ME3: variants seen among roughly 807,000 people sequenced by gnomAD.
The protein encoded by ME3 is NADP-dependent malic enzyme, mitochondrial.
Under a neutral mutation model 68.9 loss-of-function variants are expected in ME3, and 48 were observed. The ratio of observed to expected loss-of-function variants is 0.70; its 90% CI spans 0.55 to 0.89. The LOEUF is 0.89. Ranked by LOEUF, ME3 falls within the 40% of genes least tolerant of loss-of-function variation. The pLI is 0.00. For missense variants in ME3, 675 were observed against 797.4 expected (o/e 0.85, Z 1.85); for synonymous variants, 320 against 318.8 (o/e 1.00, Z -0.04).
intron 2 of ME3, among the ~76,000 whole-genome samples, chr11:86,633,508 A>G (rs909794825): frequency 1.3e-5 from 2 of 152,220 alleles, no homozygotes; most frequent in Non-Finnish European, 2.9e-5. Context: ...AATAGCTGGA[A>G]AGTAAGGGCA....
chr11:86,479,088 C>T (rs188062641), intron 7 of ME3, among the ~76,000 whole-genome samples: 23 of 152,276 alleles, frequency 1.5e-4, no homozygotes, highest in African/African-American at 5.5e-4. Flanking sequence ...ACCCTCACCC[C>T]ATATGGGCAG....
At chr11:86,530,419 G>C (rs569279202) in intron 4 of ME3, among the ~76,000 whole-genome samples, 4 of 152,154 alleles carry the variant, frequency 2.6e-5, no homozygotes, top group African/African-American at 9.7e-5. Context: ...AATGGCCATA[G>C]TGCCCAAGGT....
intron 8 of ME3, among the ~76,000 whole-genome samples, chr11:86,450,776 A>G (rs538352224): frequency 7.4e-4 from 112 of 152,344 alleles, no homozygotes; most frequent in African/African-American, 2.7e-3. Flanking sequence ...AAATGAGAAC[A>G]CAACCTGACC....
chr11:86,576,944 C>A (rs1468489390), intron 2 of ME3, among the ~76,000 whole-genome samples: 2 of 152,180 alleles, frequency 1.3e-5, no homozygotes, highest in African/African-American at 2.4e-5. Flanking sequence ...CTTTTCTTTA[C>A]CTGAATGTTA....
chr11:86,616,240 T>G (rs1942948331), intron 2 of ME3, among the ~76,000 whole-genome samples: 1 of 152,244 alleles, frequency 6.6e-6, no homozygotes, highest in African/African-American at 2.4e-5. Context: ...TTCTAAATGT[T>G]TCATTATCAT....
At chr11:86,567,055 T>C (rs1448516883) in intron 2 of ME3, among the ~76,000 whole-genome samples, 1 of 151,882 alleles carries the variant, frequency 6.6e-6, no homozygotes, top group Non-Finnish European at 1.5e-5. Context: ...CCATCTCTAC[T>C]AAAAATACAA....
chr11:86,497,227 C>T (rs558112351), intron 6 of ME3, among the ~76,000 whole-genome samples: 3 of 152,242 alleles, frequency 2.0e-5, no homozygotes, highest in South Asian at 2.1e-4. Context: ...CAGGTGATCC[C>T]GCCCCGATCA....
At chr11:86,467,786 A>C (rs906981509) in intron 7 of ME3, among the ~76,000 whole-genome samples, 2 of 151,982 alleles carry the variant, frequency 1.3e-5, no homozygotes, top group African/African-American at 4.8e-5. Flanking sequence ...ACCTTTGTTC[A>C]GTGTATGATT....
At chr11:86,629,464 C>T (rs1391780147) in intron 2 of ME3, among the ~76,000 whole-genome samples, 5 of 152,312 alleles carry the variant, frequency 3.3e-5, no homozygotes, top group African/African-American at 4.8e-5. Flanking sequence ...CCCCCTCCCC[C>T]GTGGGTAAAG....
chr11:86,598,152 T>A (rs1455852480), intron 2 of ME3, among the ~76,000 whole-genome samples: 1 of 152,142 alleles, frequency 6.6e-6, no homozygotes, highest in Non-Finnish European at 1.5e-5. Flanking sequence ...AGGCAGTGCC[T>A]CACTCGGGAA....
At chr11:86,537,351 ATAT>A (rs1955749324) in intron 4 of ME3, among the ~76,000 whole-genome samples, 1 of 151,462 alleles carries the variant, frequency 6.6e-6, no homozygotes, top group Admixed American at 6.6e-5. Context: ...TATGCATTAA[ATAT>A]AATAATTGCA....
rs7103785 is a variant in ME3, at chr11:86,497,040, G to T, written c.705+923C>A. 2.0e-3 allele frequency among the ~76,000 whole-genome samples: 297 copies of T among 152,236 alleles called. 1 individual carries two copies. Among genetic ancestry groups the T allele is most frequent in the African/African-American group, 7.0e-3 (291 of 41,538 alleles). On this transcript the variant is annotated intron_variant, in intron 6 of 14. Coordinates refer to ENST00000543262, the Ensembl canonical transcript of ME3. The stretch of plus-strand genomic sequence containing the variant: ...TGTGTCACCCAGGCTGGAGTGCAGT[G>T]GTGTGATCTCGGCTCACTGCAACCT...
chr11:86,636,547 G>A (rs1186028171), intron 2 of ME3, among the ~76,000 whole-genome samples: 1 of 152,154 alleles, frequency 6.6e-6, no homozygotes, highest in African/African-American at 2.4e-5. Flanking sequence ...ATGACAGCCT[G>A]CAGGGCATGC....
At position 86,661,681 on chromosome 11, in the gene ME3, C is replaced by G. The variant is rs547406298; in HGVS notation, c.183+10081G>C. Among the ~76,000 whole-genome samples, 21 of 152,288 alleles carry G rather than the reference C, an allele frequency of 1.4e-4. No individual in the cohort carries two copies. The South Asian group carries it at 4.4e-3, about 32-fold the overall frequency. Reference sequence around the variant, plus strand: ...CAGGTGTCAGCCTTGCCAACACTGCCATTGGAAGTGTTTCTGCACCTCTCT... The same window carrying G: ...CAGGTGTCAGCCTTGCCAACACTGCGATTGGAAGTGTTTCTGCACCTCTCT... On this transcript the variant is annotated intron_variant, in intron 2 of 14. Transcript: ENST00000543262.
chr11:86,464,339 T>A (rs1950372906), intron 8 of ME3, among the ~76,000 whole-genome samples: 1 of 152,206 alleles, frequency 6.6e-6, no homozygotes, highest in East Asian at 1.9e-4. Flanking sequence ...CTAGATCAAG[T>A]GAGATGAATC....
chr11:86,448,527 A>T (rs1949451356), intron 10 of ME3, among the ~76,000 whole-genome samples: 1 of 152,128 alleles, frequency 6.6e-6, no homozygotes, highest in Admixed American at 6.6e-5. Flanking sequence ...AGCTGTTAGG[A>T]TTATGGCTTC....
At chr11:86,665,084 G>A (rs1257424347) in intron 2 of ME3, among the ~76,000 whole-genome samples, 1 of 152,184 alleles carries the variant, frequency 6.6e-6, no homozygotes, top group African/African-American at 2.4e-5. Flanking sequence ...AGAGGAGGGA[G>A]CCTTAGCAGA....
chr11:86,663,525 G>A (rs1946410595), intron 2 of ME3, among the ~76,000 whole-genome samples: 2 of 152,092 alleles, frequency 1.3e-5, no homozygotes, highest in South Asian at 4.1e-4. Flanking sequence ...CACCCCCAAA[G>A]GATTTCCCGA....
chr11:86,577,235 A>ATTG (rs1283033038), intron 2 of ME3, among the ~76,000 whole-genome samples: 1 of 152,166 alleles, frequency 6.6e-6, no homozygotes, highest in Non-Finnish European at 1.5e-5. Flanking sequence ...TGCCAAAGAG[A>ATTG]TTGCACAGAT....
Sources: gnomAD v4.1 joint callset for allele counts (sites outside exome capture counted in the v4.1 genomes callset) on GRCh38, gnomAD v4.1.1 for gene constraint, MANE v1.5 for transcripts, NCBI Gene and HGNC (gene_info 2026-07-23, HGNC 2026-07-21) for gene names.